The following KCND2 variants were observed in gnomAD, a reference collection of about 807,000 sequenced individuals.
KCND2 encodes potassium voltage-gated channel subfamily D member 2, also known as A-type voltage-gated potassium channel KCND2.
A neutral mutation model predicts 54.4 loss-of-function variants in KCND2; 16 were observed. That is an observed-to-expected ratio of 0.29 (90% CI 0.20 to 0.45). The LOEUF (loss-of-function observed/expected upper bound fraction) is 0.45, where lower values mean the gene tolerates loss of function less well. Among genes scored for constraint, KCND2 ranks in the 20% least tolerant of loss-of-function variants. KCND2 has a pLI of 1.00. For synonymous variants in KCND2, 317 were observed against 310.7 expected (o/e 1.02, Z -0.21); for missense variants, 486 against 824.2 (o/e 0.59, Z 5.02).
At chr7:120,550,919 A>G (rs1792098161) in intron 1 of KCND2, among the ~76,000 whole-genome samples, 1 of 152,216 alleles carries the variant, frequency 6.6e-6, no homozygotes, top group Non-Finnish European at 1.5e-5. Flanking sequence ...TTGGAGTGTT[A>G]GGATCAGCAG....
chr7:120,741,060 A>C (rs964150237), intron 2 of KCND2, among the ~76,000 whole-genome samples: 2 of 151,854 alleles, frequency 1.3e-5, no homozygotes, highest in Admixed American at 1.3e-4. Context: ...AAAAAAAAAA[A>C]AAGAAAGGAA....
intron 1 of KCND2, among the ~76,000 whole-genome samples, chr7:120,278,284 C>T (rs1206961798): frequency 1.3e-5 from 2 of 151,840 alleles, no homozygotes; most frequent in African/African-American, 4.8e-5. Flanking sequence ...AAGCCATTGC[C>T]TAACTTTATT....
intron 1 of KCND2, among the ~76,000 whole-genome samples, chr7:120,373,595 C>T (rs955952347): frequency 2.6e-5 from 4 of 151,814 alleles, no homozygotes; most frequent in African/African-American, 9.7e-5. Flanking sequence ...GAGCTATCTC[C>T]ACACTGGGAA....
intron 1 of KCND2, among the ~76,000 whole-genome samples, chr7:120,330,116 C>T (rs1207707770): frequency 6.6e-6 from 1 of 152,092 alleles, no homozygotes; most frequent in Non-Finnish European, 1.5e-5. Flanking sequence ...GGGTTGAAAA[C>T]TCAGCTCCCC....
intron 1 of KCND2, among the ~76,000 whole-genome samples, chr7:120,420,616 TAGGGGGAAGGGGTGTCTATGAAAGG>T (rs1801597683): frequency 6.6e-6 from 1 of 151,112 alleles, no homozygotes; most frequent in Admixed American, 6.6e-5. Flanking sequence ...GGGTGAGGAG[TAGGGGGAAGGGGTGTCTATGAAAGG>T]AATCTGCTCA....
intron 1 of KCND2, among the ~76,000 whole-genome samples, chr7:120,674,705 T>C (rs1293524822): frequency 1.3e-5 from 2 of 152,240 alleles, no homozygotes; most frequent in Admixed American, 1.3e-4. Flanking sequence ...TTTATTGGCA[T>C]GTCTAGTTAG....
intron 1 of KCND2, among the ~76,000 whole-genome samples, chr7:120,714,858 A>ATG (rs770427812): frequency 6.7e-6 from 1 of 150,254 alleles, no homozygotes; most frequent in Admixed American, 6.7e-5. Flanking sequence ...TGTATCGGGT[A>ATG]TATATATATA....
intron 1 of KCND2, among the ~76,000 whole-genome samples, chr7:120,372,672 T>C (rs1800780879): frequency 6.6e-6 from 1 of 151,900 alleles, no homozygotes; most frequent in Admixed American, 6.6e-5. Context: ...TCCTTTCTTT[T>C]CCTTTATTTG....
At chr7:120,629,544 C>T (rs1056399456) in intron 1 of KCND2, among the ~76,000 whole-genome samples, 1 of 152,100 alleles carries the variant, frequency 6.6e-6, no homozygotes. Flanking sequence ...ACGTTGTAAG[C>T]CATGCGAGGA....
intron 1 of KCND2, among the ~76,000 whole-genome samples, chr7:120,512,938 G>A (rs553539627): frequency 1.3e-5 from 2 of 151,812 alleles, no homozygotes; most frequent in South Asian, 2.1e-4. Context: ...GGGATTAGAG[G>A]CATGCACCAC....
intron 1 of KCND2, among the ~76,000 whole-genome samples, chr7:120,706,910 T>C (rs1792475948): frequency 1.3e-5 from 2 of 152,158 alleles, no homozygotes; most frequent in Admixed American, 1.3e-4. Flanking sequence ...TTTAGCATAG[T>C]TGATCAAAAT....
At chr7:120,278,833 GCA>G (rs1465937246) in intron 1 of KCND2, among the ~76,000 whole-genome samples, 1 of 151,256 alleles carries the variant, frequency 6.6e-6, no homozygotes, top group East Asian at 1.9e-4. Flanking sequence ...AACATAGAAA[GCA>G]CAGTTTAAAA....
At chr7:120,670,526 C>A (rs527561416) in intron 1 of KCND2, among the ~76,000 whole-genome samples, 1 of 152,136 alleles carries the variant, frequency 6.6e-6, no homozygotes, top group African/African-American at 2.4e-5. Flanking sequence ...CCACCCGCTT[C>A]CCCAAGAGTC....
rs569129978 is a variant in KCND2 at position 120,522,926 on chromosome 7, C to T, written c.1116-209977C>T. On this transcript the variant is annotated intron_variant, in intron 1 of 5. Coordinates refer to ENST00000331113, the MANE Select transcript of KCND2 (RefSeq NM_012281.3). The stretch of plus-strand genomic sequence containing the variant: ...CAATTTTCAGTAATGCCTTTGCCTT[C>T]GTTACTTAGACATACCTGTCTTTTG... Among the ~76,000 whole-genome samples, 10 of 152,192 alleles carry T rather than the reference C, an allele frequency of 6.6e-5. No homozygotes were observed. The South Asian group carries it at 1.2e-3, about 19-fold the overall frequency.
At chr7:120,279,804 A>G (rs1799236332) in intron 1 of KCND2, among the ~76,000 whole-genome samples, 1 of 151,912 alleles carries the variant, frequency 6.6e-6, no homozygotes, top group East Asian at 1.9e-4. Flanking sequence ...ATGCATATAT[A>G]TGATCATATC....
At chr7:120,506,168 T>G (rs1230425018) in intron 1 of KCND2, among the ~76,000 whole-genome samples, 2 of 151,318 alleles carry the variant, frequency 1.3e-5, no homozygotes, top group Admixed American at 1.3e-4. Context: ...ACATAGAGAG[T>G]AGGTATATTA....
At chr7:120,543,120 T>A (rs978222410) in intron 1 of KCND2, among the ~76,000 whole-genome samples, 11 of 152,044 alleles carry the variant, frequency 7.2e-5, no homozygotes, top group Non-Finnish European at 1.5e-4. Context: ...GGAATTTCTT[T>A]AAAAATCCAA....
chr7:120,370,162 G>A (rs915050525), intron 1 of KCND2, among the ~76,000 whole-genome samples: 1 of 152,024 alleles, frequency 6.6e-6, no homozygotes, highest in African/African-American at 2.4e-5. Context: ...GACTGAGCTA[G>A]AGCAATGGTC....
chr7:120,344,236 G>A (rs1420219137), intron 1 of KCND2, among the ~76,000 whole-genome samples: 2 of 152,060 alleles, frequency 1.3e-5, no homozygotes, highest in African/African-American at 4.8e-5. Context: ...CACACAAGTG[G>A]ATATACATTA....
Sources: gnomAD v4.1 joint callset for allele counts (sites outside exome capture counted in the v4.1 genomes callset) on GRCh38, gnomAD v4.1.1 for gene constraint, MANE v1.5 for transcripts, NCBI Gene and HGNC (gene_info 2026-07-23, HGNC 2026-07-21) for gene names.